Variants in SLC39A9 observed in about 807,000 individuals in gnomAD.
SLC39A9 encodes the protein solute carrier family 39 member 9, also known as zinc transporter ZIP9.
SLC39A9 carries 14 observed loss-of-function variants against 28.4 expected under a neutral mutation model. That is an observed-to-expected ratio of 0.49 (90% CI 0.33 to 0.77). SLC39A9 has a LOEUF of 0.77. Ranked by LOEUF, SLC39A9 falls within the 30% of genes least tolerant of loss-of-function variation. The probability of loss-of-function intolerance (pLI) is 0.02; values close to 1 mark genes in which losing one functional copy is unlikely to be tolerated. For synonymous variants in SLC39A9, 119 were observed against 149.6 expected (o/e 0.80, Z 1.49); for missense variants, 283 against 381.1 (o/e 0.74, Z 2.14).
intron 2 of SLC39A9, among the ~76,000 whole-genome samples, chr14:69,425,834 T>C (rs926062096): frequency 2.6e-5 from 4 of 152,084 alleles, no homozygotes; most frequent in African/African-American, 7.2e-5. Flanking sequence ...GACTAATGTT[T>C]AATTTTTTTT....
intron 3 of SLC39A9, 131 bp downstream of exon 3, chr14:69,442,397 T>C: frequency 1.2e-6 from 1 of 858,326 alleles, no homozygotes; most frequent in South Asian, 1.7e-5. Context: ...TGGGTTCTAG[T>C]GAACATTTAA....
rs1426853653 is a variant in SLC39A9, at chr14:69,399,274, C to T, written c.-96C>T. ...CCTAAAGAACTGGAAAGCCCACTCT[C>T]TTGGAACCACCACACCTGTTTAAAG... On this transcript the variant is annotated 5_prime_UTR_variant, in exon 1 of 7. Coordinates refer to ENST00000336643, the MANE Select transcript of SLC39A9 (RefSeq NM_018375.5). The T allele has an allele frequency of 2.7e-6, 3 of 1,097,444 alleles. No individual in the cohort carries two copies. Among genetic ancestry groups the T allele is most frequent in the South Asian group, 1.3e-5 (1 of 74,808 alleles). 68.0% of individuals were successfully genotyped at this position (1,097,444 alleles called of 1,614,324 possible). A position where few individuals can be genotyped will look rare whatever the true frequency, so the allele number is the denominator to read the frequency against.
chr14:69,407,830 G>T (rs1883027481), intron 1 of SLC39A9, among the ~76,000 whole-genome samples: 2 of 150,624 alleles, frequency 1.3e-5, no homozygotes, highest in African/African-American at 2.4e-5. Flanking sequence ...TAGAGACAGG[G>T]TTTTTCCGTG....
chr14:69,461,627 A>G lies in SLC39A9; in HGVS notation c.*3034A>G. On this transcript the variant is annotated 3_prime_UTR_variant, in exon 7 of 7. Transcript: ENST00000336643. ...TTGTCCTTTCTTTGCAGAAAGGAGA[A>G]AATGTGATTGTGTTTTTTTTTTACC... 1 of 1,530,170 alleles carries G rather than the reference A, an allele frequency of 6.5e-7. No individual in the cohort carries two copies. The highest frequency in any genetic ancestry group is 1.4e-5 in the African/African-American group (1 of 72,688). 94.8% of individuals were successfully genotyped at this position (1,530,170 alleles called of 1,614,324 possible).
At chr14:69,433,542 A>G (rs11624577) in intron 2 of SLC39A9, among the ~76,000 whole-genome samples, 68,735 of 151,940 alleles carry the variant, frequency 0.45, 15,746 homozygotes, top group Middle Eastern at 0.59. Context: ...AGAATTTATT[A>G]GTGAATTTGC....
rs560438845 is a variant in SLC39A9 at position 69,455,030 on chromosome 14, A to G, written c.558+133A>G. On this transcript the variant is annotated intron_variant, in intron 5 of 6. Transcript: ENST00000336643. ...ATTGCTATTCATTTTGGAAAATTGA[A>G]TAAATCTGTTCATAGCTTCTTGTTC... 5.8e-5 allele frequency: 38 copies of G among 660,532 alleles called. No homozygotes were observed. The African/African-American group carries it at 5.8e-4, about 10-fold the overall frequency. 40.9% of individuals were successfully genotyped at this position (660,532 alleles called of 1,614,324 possible).
chr14:69,407,562 C>T (rs1185664585), intron 1 of SLC39A9, among the ~76,000 whole-genome samples: 1 of 152,110 alleles, frequency 6.6e-6, no homozygotes, highest in African/African-American at 2.4e-5. Context: ...CTCCTTACCT[C>T]AGGTGGTCTG....
chr14:69,423,144 A>G lies in SLC39A9; in HGVS notation c.97-950A>G, dbSNP rs530580586. ...TATAAATTTTAAGTAAAAAATTGTT[A>G]ATGTTTAATATAACTTGTTCTACTT... On this transcript the variant is annotated intron_variant, in intron 1 of 6. Coordinates refer to ENST00000336643, the MANE Select transcript of SLC39A9 (RefSeq NM_018375.5). 5.3e-5 allele frequency among the ~76,000 whole-genome samples: 8 copies of G among 152,354 alleles called. No individual in the cohort carries two copies. In the South Asian group the frequency reaches 1.7e-3, roughly 32 times the overall value.
chr14:69,445,849 A>G (rs1218583662), intron 3 of SLC39A9, among the ~76,000 whole-genome samples: 2 of 152,234 alleles, frequency 1.3e-5, no homozygotes, highest in South Asian at 2.1e-4. Context: ...AATGAAACCA[A>G]TATGGATGGG....
chr14:69,403,043 T>G (rs919769811), intron 1 of SLC39A9, among the ~76,000 whole-genome samples: 3 of 151,666 alleles, frequency 2.0e-5, no homozygotes, highest in African/African-American at 7.3e-5. Flanking sequence ...GTCCCACCAT[T>G]GCACTCCAGC....
intron 2 of SLC39A9, among the ~76,000 whole-genome samples, chr14:69,424,660 C>T (rs1884094315): frequency 6.6e-6 from 1 of 151,974 alleles, no homozygotes; most frequent in Non-Finnish European, 1.5e-5. Flanking sequence ...CTAATAGCAA[C>T]AAGCAGAGGG....
At chr14:69,439,227 A>G (rs1884927241) in intron 2 of SLC39A9, among the ~76,000 whole-genome samples, 1 of 152,328 alleles carries the variant, frequency 6.6e-6, no homozygotes, top group Admixed American at 6.5e-5. Context: ...GATATACCTA[A>G]TGTAAATGAG....
intron 3 of SLC39A9, among the ~76,000 whole-genome samples, chr14:69,450,226 C>T (rs530389097): frequency 6.6e-4 from 101 of 151,918 alleles, no homozygotes; most frequent in Non-Finnish European, 1.1e-3. Flanking sequence ...GGAAGAGGAC[C>T]GAGCTGGGGC....
chr14:69,418,395 C>T (rs1883689521), intron 1 of SLC39A9, among the ~76,000 whole-genome samples: 2 of 152,002 alleles, frequency 1.3e-5, no homozygotes, highest in African/African-American at 2.4e-5. Flanking sequence ...AGGATTTTTG[C>T]ATCGATGTTC....
chr14:69,412,402 TA>T (rs1183042239), intron 1 of SLC39A9, among the ~76,000 whole-genome samples: 2 of 144,704 alleles, frequency 1.4e-5, no homozygotes, highest in African/African-American at 2.7e-5. Flanking sequence ...AATAAATAAA[TA>T]AATAAATAAA....
chr14:69,453,531 AAAG>A (rs1213455939), intron 4 of SLC39A9, among the ~76,000 whole-genome samples: 3 of 152,112 alleles, frequency 2.0e-5, no homozygotes, highest in South Asian at 2.1e-4. Flanking sequence ...TTAAAAAAAA[AAAG>A]AGAGAGAGGA....
chr14:69,422,281 C>G (rs1180088074), intron 1 of SLC39A9, among the ~76,000 whole-genome samples: 1 of 152,096 alleles, frequency 6.6e-6, no homozygotes, highest in African/African-American at 2.4e-5. Context: ...AAAATGGGGT[C>G]TCTTTATGTT....
At chr14:69,408,684 A>G (rs908926373) in intron 1 of SLC39A9, among the ~76,000 whole-genome samples, 1 of 152,184 alleles carries the variant, frequency 6.6e-6, no homozygotes, top group African/African-American at 2.4e-5. Flanking sequence ...CGTGGGCCAA[A>G]CAACCCATGT....
intron 1 of SLC39A9, among the ~76,000 whole-genome samples, chr14:69,413,658 GTTGCTGAGGGATT>G (rs1407497667): frequency 6.6e-5 from 10 of 152,160 alleles, no homozygotes; most frequent in African/African-American, 2.4e-4. Context: ...TTCTCTCGGT[GTTGCTGAGGGATT>G]TTGCTGATTC....
Sources: gnomAD v4.1 joint callset for allele counts (sites outside exome capture counted in the v4.1 genomes callset) on GRCh38, gnomAD v4.1.1 for gene constraint, MANE v1.5 for transcripts, NCBI Gene and HGNC (gene_info 2026-07-23, HGNC 2026-07-21) for gene names.